Variants in PGBD2 observed in about 807,000 individuals in gnomAD.
PGBD2 encodes the protein piggyBac transposable element-derived protein 2.
PGBD2 carries 6 observed loss-of-function variants against 8.1 expected under a neutral mutation model. That is an observed-to-expected ratio of 0.74 (90% CI 0.40 to 1.46). PGBD2 has a LOEUF of 1.46. Among genes scored for constraint, PGBD2 ranks in the 40% most tolerant of loss-of-function variants. PGBD2 has a pLI of 0.02. For missense variants in PGBD2, 802 were observed against 739.0 expected, an observed-to-expected ratio of 1.09 and a Z score of -0.99; for synonymous variants, 318 against 272.2, an observed-to-expected ratio of 1.17 and a Z score of -1.66.
the PGBD2 span, among the ~76,000 whole-genome samples, chr1:248,891,401 A>G: frequency 1.3e-5 from 2 of 152,224 alleles, no homozygotes; most frequent in African/African-American, 4.8e-5. Flanking sequence ...TGAGTGGGGC[A>G]TATGGGTTAT....
chr1:248,913,040 G>T (rs910375307), intron 1 of PGBD2, among the ~76,000 whole-genome samples: 4 of 152,050 alleles, frequency 2.6e-5, no homozygotes, highest in Admixed American at 2.6e-4. Context: ...GACCTCAGGT[G>T]ATCTGCCCGC....
chr1:248,922,838 G>A (rs1420541417), downstream of PGBD2, among the ~76,000 whole-genome samples: 1 of 152,198 alleles, frequency 6.6e-6, no homozygotes, highest in African/African-American at 2.4e-5. Context: ...ACTTTCTGAT[G>A]TGCTGCTGGA....
intron 1 of PGBD2, among the ~76,000 whole-genome samples, chr1:248,908,565 C>T (rs893964890): frequency 6.6e-6 from 1 of 152,296 alleles, no homozygotes; most frequent in Middle Eastern, 3.4e-3. Context: ...CACCCTTTTG[C>T]CGTAGCCTTT....
chr1:248,888,672 C>G, the PGBD2 span, among the ~76,000 whole-genome samples: 1 of 151,636 alleles, frequency 6.6e-6, no homozygotes, highest in Non-Finnish European at 1.5e-5. Flanking sequence ...TGAATATTTT[C>G]TCCCATTCTG....
the PGBD2 span, among the ~76,000 whole-genome samples, chr1:248,884,963 C>T: frequency 1.3e-5 from 2 of 151,992 alleles, no homozygotes; most frequent in Non-Finnish European, 2.9e-5. Context: ...CAGATGAATC[C>T]TGGTCAGTTT....
intron 1 of PGBD2, among the ~76,000 whole-genome samples, chr1:248,909,097 G>A (rs1423287143): frequency 6.6e-6 from 1 of 152,182 alleles, no homozygotes; most frequent in East Asian, 1.9e-4. Flanking sequence ...CTGCCTAACA[G>A]CCTCTATCTA....
rs1026874452 is a variant in PGBD2 at position 248,917,453 on chromosome 1, T to A, written c.869T>A (p.Val290Glu). 1.2e-6 allele frequency: 2 copies of A among 1,613,978 alleles called. No individual in the cohort carries two copies. Among genetic ancestry groups the A allele is most frequent in the African/African-American group, 2.7e-5 (2 of 74,892 alleles). Reference protein sequence around the residue: ...GSKQLHRGKPVRLGYKIWCGT... With the variant: ...GSKQLHRGKPERLGYKIWCGT... ...AAGCAGCTGCACAGGGGGAAGCCTG[T>A]GCGACTTGGCTACAAGATTTGGTGT... Residue 290 changes from valine (V) to glutamate (E), a missense_variant, in exon 3 of 3, where the codon GTG becomes GAG. Physicochemically the swap from Val to Glu is moderately radical, Grantham distance 121 (BLOSUM62 -2). Transcript: ENST00000329291.
rs1662114933 is a variant in PGBD2 at position 248,916,831 on chromosome 1, G to A, written c.247G>A (p.Asp83Asn). The change falls in exon 3 of 3, where the codon GAC (aspartate) becomes AAC (asparagine). Residue 83 changes from aspartate (D) to asparagine (N), a missense_variant. Transcript: ENST00000329291. Reference sequence around the variant, plus strand: ...GCTGCATGCTTCAGTCCTGTGTGAGGACTCTGGCACCGGGGAGGATAATGA... The same window carrying A: ...GCTGCATGCTTCAGTCCTGTGTGAGAACTCTGGCACCGGGGAGGATAATGA... ...SVLHASVLCE[D>N]SGTGEDNDDL... The A allele has an allele frequency of 6.2e-7, 1 of 1,614,082 alleles. No individual in the cohort carries two copies. Among genetic ancestry groups the A allele is most frequent in the Non-Finnish European group, 8.5e-7 (1 of 1,180,044 alleles).
intron 2 of PGBD2, 22 bp downstream of exon 2, chr1:248,913,901 AT>A (rs758556158): frequency 6.3e-7 from 1 of 1,599,246 alleles, no homozygotes; most frequent in African/African-American, 1.3e-5. Flanking sequence ...GTTTGATCAA[AT>A]GTTTTATTGA....
Position 248,917,296 on chromosome 1 carries a change from G to T in PGBD2, c.712G>T (p.Ala238Ser), listed in dbSNP as rs371694592. The T allele has an allele frequency of 1.2e-6, 2 of 1,614,188 alleles. No individual in the cohort carries two copies. The highest frequency in any genetic ancestry group is 1.7e-6 in the Non-Finnish European group (2 of 1,180,028). ...TTTTGCAGATAACAACGAACTTGATGCAAGTGATAGGTTTGCCAAGGTCAG... is the reference window on the plus strand; with the variant it reads ...TTTTGCAGATAACAACGAACTTGATTCAAGTGATAGGTTTGCCAAGGTCAG... The part of the protein sequence containing the change: ...LHFADNNELD[A>S]SDRFAKVRPL... The change falls in exon 3 of 3, where the codon GCA becomes TCA. Residue 238 changes from alanine (A) to serine (S), a missense_variant. Ala to Ser is a moderately conservative substitution (Grantham distance 99). Transcript: ENST00000329291.
the PGBD2 span, among the ~76,000 whole-genome samples, chr1:248,896,579 C>G: frequency 1.9e-3 from 287 of 152,254 alleles, 1 homozygote; most frequent in African/African-American, 6.5e-3. Flanking sequence ...TGAGTAGCAG[C>G]ACACCTATAG....
the PGBD2 span, among the ~76,000 whole-genome samples, chr1:248,900,892 G>A: frequency 6.6e-6 from 1 of 152,232 alleles, no homozygotes; most frequent in African/African-American, 2.4e-5. Context: ...CTTTAGCAAA[G>A]TCTCAGGATA....
intron 1 of PGBD2, among the ~76,000 whole-genome samples, chr1:248,907,086 A>C (rs1316843347): frequency 6.6e-6 from 1 of 152,156 alleles, no homozygotes; most frequent in Non-Finnish European, 1.5e-5. Flanking sequence ...GAGTTCCCTC[A>C]GTTTTTATTG....
intron 1 of PGBD2, among the ~76,000 whole-genome samples, chr1:248,908,184 C>T (rs1028112729): frequency 2.0e-5 from 3 of 152,182 alleles, no homozygotes; most frequent in African/African-American, 7.2e-5. Context: ...GTTGTCCTGT[C>T]TTTCCTTGGA....
chr1:248,912,651 A>G (rs1255840076), intron 1 of PGBD2: 7 of 152,324 alleles, frequency 4.6e-5, no homozygotes, highest in East Asian at 3.9e-4. Flanking sequence ...GATTTAACAC[A>G]TATTAACACA....
chr1:248,874,168 C>T, the PGBD2 span, among the ~76,000 whole-genome samples: 2 of 152,156 alleles, frequency 1.3e-5, no homozygotes, highest in African/African-American at 2.4e-5. Flanking sequence ...GAGAAAACCG[C>T]ATCCAATCAT....
the PGBD2 span, among the ~76,000 whole-genome samples, chr1:248,874,557 A>G: frequency 3.9e-5 from 6 of 152,162 alleles, no homozygotes; most frequent in Admixed American, 1.3e-4. Flanking sequence ...ATCCAAAAAG[A>G]TAGCTCTGGG....
At chr1:248,894,464 G>A in the PGBD2 span, among the ~76,000 whole-genome samples, 6 of 152,072 alleles carry the variant, frequency 3.9e-5, no homozygotes, top group Admixed American at 1.3e-4. Flanking sequence ...ACAAGACTCC[G>A]ATTACATGCT....
chr1:248,917,531 T>C lies in PGBD2; in HGVS notation c.947T>C (p.Leu316Pro). 1 of 1,614,156 alleles carries C rather than the reference T, an allele frequency of 6.2e-7. No individual in the cohort carries two copies. The highest frequency in any genetic ancestry group is 8.5e-7 in the Non-Finnish European group (1 of 1,180,028). ...LVWFEPSQGT[L>P]FTKPDRSLDL... ...TGGTTTGAGCCCTCACAGGGCACACTGTTTACCAAGCCAGACAGGAGCTTG... is the reference window on the plus strand; with the variant it reads ...TGGTTTGAGCCCTCACAGGGCACACCGTTTACCAAGCCAGACAGGAGCTTG... The change falls in exon 3 of 3, where the codon CTG (leucine) becomes CCG (proline). Residue 316 changes from leucine (L) to proline (P), a missense_variant. Physicochemically the swap from Leu to Pro is moderately conservative, Grantham distance 98 (BLOSUM62 -3). Coordinates refer to ENST00000329291, the MANE Select transcript of PGBD2 (RefSeq NM_170725.3).
Sources: allele counts gnomAD v4.1 joint callset (sites outside exome capture counted in the v4.1 genomes callset), GRCh38; gene constraint gnomAD v4.1.1; transcripts MANE v1.5; gene names NCBI Gene and HGNC (gene_info 2026-07-23, HGNC 2026-07-21).